The following CACNA1C variants were observed in gnomAD, a reference collection of about 807,000 sequenced individuals.
The protein encoded by CACNA1C is calcium voltage-gated channel subunit alpha1 C, also known as voltage-dependent L-type calcium channel subunit alpha-1C.
A neutral mutation model predicts 229.0 loss-of-function variants in CACNA1C; 30 were observed. The observed-to-expected ratio is 0.13, with a 90% CI of 0.10 to 0.18. The LOEUF (loss-of-function observed/expected upper bound fraction) is 0.18. Among genes scored for constraint, CACNA1C ranks in the 10% least tolerant of loss-of-function variants. The pLI is 1.00. For synonymous variants in CACNA1C, 1,114 were observed against 1,132.5 expected (o/e 0.98, Z 0.33); for missense variants, 1,658 against 2,845.0 (o/e 0.58, Z 9.49).
At chr12:1,975,471 T>C (rs550044301) in intron 1 of CACNA1C, among the ~76,000 whole-genome samples, 2 of 152,152 alleles carry the variant, frequency 1.3e-5, no homozygotes, top group Admixed American at 6.5e-5. Flanking sequence ...TATATAGCCA[T>C]AATGACCACT....
intron 1 of CACNA1C, among the ~76,000 whole-genome samples, chr12:2,056,196 AGT>A (rs138718348): frequency 0.19 from 27,495 of 145,592 alleles, 3,129 homozygotes; most frequent in Admixed American, 0.26. Flanking sequence ...AGTGTGTGTG[AGT>A]GTGTGTGTGT....
intron 3 of CACNA1C, among the ~76,000 whole-genome samples, chr12:2,178,459 A>C (rs1471839097): frequency 2.6e-5 from 4 of 152,208 alleles, no homozygotes; most frequent in African/African-American, 4.8e-5. Context: ...AGGGATCTGC[A>C]GAAGGCTTGC....
chr12:2,179,758 AG>A (rs1373824850), intron 3 of CACNA1C, among the ~76,000 whole-genome samples: 3 of 152,192 alleles, frequency 2.0e-5, no homozygotes, highest in Non-Finnish European at 2.9e-5. Flanking sequence ...ACCACAAATG[AG>A]TATTTGGCTG....
At position 1,984,778 on chromosome 12, in the gene CACNA1C, T is replaced by TTAAA. The variant is rs1230989393; in HGVS notation, c.139+13577_139+13578insTAAA. Among the ~76,000 whole-genome samples, 28 of 81,340 alleles carry TTAAA rather than the reference T, an allele frequency of 3.4e-4. 1 individual carries two copies. Among genetic ancestry groups the TTAAA allele is most frequent in the East Asian group, 6.9e-4 (2 of 2,902 alleles). 53.4% of individuals were successfully genotyped at this position (81,340 alleles called of 152,430 possible). ...ATTTATTCTACAGTGGGTCTTCTGG[T>TTAAA]AAAAAAAAAAAAAAAAAAAAAAAGG... On this transcript the variant is annotated intron_variant, in intron 1 of 46. Transcript: ENST00000682462.
chr12:2,256,301 A>C (rs775081597), intron 3 of CACNA1C, among the ~76,000 whole-genome samples: 1 of 152,222 alleles, frequency 6.6e-6, no homozygotes, highest in African/African-American at 2.4e-5. Context: ...GCATGGGGTA[A>C]TCAGTCACCT....
rs77663948 is a variant in CACNA1C, at chr12:2,404,864, A to G, written c.478-44112A>G. Among the ~76,000 whole-genome samples the G allele has an allele frequency of 6.9e-3, 1,058 of 152,338 alleles. 15 individuals carry two copies. The highest frequency in any genetic ancestry group is 0.02 in the Middle Eastern group (6 of 294). On this transcript the variant is annotated intron_variant, in intron 3 of 46. Coordinates refer to ENST00000399655, the MANE Select transcript of CACNA1C (RefSeq NM_000719.7). The stretch of plus-strand genomic sequence containing the variant: ...GAAGGACCGAGGGTATCCAGGAAGA[A>G]GAGTAGCTTTGGGATTATCAGGAAG...
chr12:2,517,186 G>T (rs1277270168), intron 9 of CACNA1C, among the ~76,000 whole-genome samples: 1 of 152,236 alleles, frequency 6.6e-6, no homozygotes, highest in Non-Finnish European at 1.5e-5. Context: ...TGGCAAATCA[G>T]CCTTACCCTG....
intron 5 of CACNA1C, among the ~76,000 whole-genome samples, chr12:2,464,427 T>C (rs1301064495): frequency 6.6e-6 from 1 of 152,208 alleles, no homozygotes. Flanking sequence ...GTCAAAATCA[T>C]GTAACTTAGT....
At chr12:2,457,151 G>A (rs567865322) in intron 4 of CACNA1C, among the ~76,000 whole-genome samples, 7 of 152,370 alleles carry the variant, frequency 4.6e-5, no homozygotes, top group Admixed American at 1.3e-4. Context: ...GTATCTAGAA[G>A]GAAGGAGGTG....
At chr12:2,144,082 C>T (rs904882793) in intron 3 of CACNA1C, among the ~76,000 whole-genome samples, 5 of 151,320 alleles carry the variant, frequency 3.3e-5, no homozygotes, top group African/African-American at 9.7e-5. Context: ...GTCAGCACCA[C>T]GTGGGCACAC....
chr12:2,139,217 G>T (rs185644222), intron 3 of CACNA1C, among the ~76,000 whole-genome samples: 2 of 150,838 alleles, frequency 1.3e-5, no homozygotes, highest in African/African-American at 4.8e-5. Context: ...GCATCCCTTG[G>T]CTTCTAGGTG....
chr12:2,500,107 C>T (rs903245945), intron 7 of CACNA1C, among the ~76,000 whole-genome samples: 1 of 152,188 alleles, frequency 6.6e-6, no homozygotes, highest in Non-Finnish European at 1.5e-5. Flanking sequence ...TGGCCTCGTC[C>T]GTCTCCATCT....
At chr12:2,016,151 GT>G (rs1338871690) in intron 1 of CACNA1C, among the ~76,000 whole-genome samples, 1 of 152,064 alleles carries the variant, frequency 6.6e-6, no homozygotes, top group Non-Finnish European at 1.5e-5. Flanking sequence ...TCTTAGTTCG[GT>G]GTCTCCTGGT....
chr12:2,436,810 TCA>T (rs2099139371), intron 3 of CACNA1C, among the ~76,000 whole-genome samples: 1 of 152,196 alleles, frequency 6.6e-6, no homozygotes, highest in Admixed American at 6.5e-5. Context: ...AAATTTTATC[TCA>T]CATACAGGAA....
chr12:2,130,193 C>CTTTTTTTT (rs35630466), intron 3 of CACNA1C, among the ~76,000 whole-genome samples: 1 of 114,142 alleles, frequency 8.8e-6, no homozygotes, highest in African/African-American at 3.3e-5. Flanking sequence ...TGAGACCTTT[C>CTTTTTTTT]TTTTTTTTTT....
intron 3 of CACNA1C, among the ~76,000 whole-genome samples, chr12:2,347,979 C>T (rs748706617): frequency 7.2e-5 from 11 of 152,226 alleles, no homozygotes; most frequent in South Asian, 2.1e-4. Flanking sequence ...CCATTCTCAC[C>T]GGACTGTTGG....
chr12:2,246,772 T>C (rs1041171600), intron 3 of CACNA1C, among the ~76,000 whole-genome samples: 2 of 152,164 alleles, frequency 1.3e-5, no homozygotes, highest in Non-Finnish European at 2.9e-5. Flanking sequence ...CACCGCTGCC[T>C]GGGCATGGAG....
At chr12:2,659,634 T>C (rs1448786729) in intron 34 of CACNA1C, among the ~76,000 whole-genome samples, 5 of 152,146 alleles carry the variant, frequency 3.3e-5, no homozygotes, top group Admixed American at 1.3e-4. Context: ...AAGCTGTATA[T>C]TAAATAAGCT....
intron 1 of CACNA1C, among the ~76,000 whole-genome samples, chr12:2,075,684 C>T (rs1163739805): frequency 3.3e-5 from 5 of 152,192 alleles, no homozygotes; most frequent in South Asian, 2.1e-4. Flanking sequence ...CCCTGACCTC[C>T]GGTAGGAATG....
Sources: gnomAD v4.1 joint callset for allele counts (sites outside exome capture counted in the v4.1 genomes callset) on GRCh38, gnomAD v4.1.1 for gene constraint, MANE v1.5 for transcripts, NCBI Gene and HGNC (gene_info 2026-07-23, HGNC 2026-07-21) for gene names.